Variants in NOS1AP observed in about 807,000 individuals in gnomAD.
NOS1AP encodes carboxyl-terminal PDZ ligand of neuronal nitric oxide synthase protein.
A neutral mutation model predicts 56.2 loss-of-function variants in NOS1AP; 21 were observed. That is an observed-to-expected ratio of 0.37 (90% CI 0.26 to 0.54). NOS1AP has a LOEUF of 0.54. NOS1AP is among the 20% of genes least tolerant of loss of function. The pLI is 0.84. For missense variants in NOS1AP, 522 were observed against 657.8 expected, an observed-to-expected ratio of 0.79 and a Z score of 2.26; for synonymous variants, 270 against 274.6, an observed-to-expected ratio of 0.98 and a Z score of 0.17.
chr1:162,173,544 G>T (rs1650909685), intron 2 of NOS1AP, among the ~76,000 whole-genome samples: 1 of 152,170 alleles, frequency 6.6e-6, no homozygotes, highest in South Asian at 2.1e-4. Flanking sequence ...AAAAGCAATG[G>T]CAACAAAAGC....
chr1:162,231,065 A>AT (rs1467624611), intron 2 of NOS1AP, among the ~76,000 whole-genome samples: 1 of 151,440 alleles, frequency 6.6e-6, no homozygotes, highest in Non-Finnish European at 1.5e-5. Context: ...AGAAACCACT[A>AT]TTTTCCATAG....
chr1:162,184,827 G>A (rs912412969), intron 2 of NOS1AP, among the ~76,000 whole-genome samples: 1 of 152,192 alleles, frequency 6.6e-6, no homozygotes, highest in Admixed American at 6.5e-5. Flanking sequence ...AGTGAGAACC[G>A]TGATTTCAGC....
Position 162,081,774 on chromosome 1 carries a change from A to ATATATATATTTTTTTTTTTTTTTTTTTT in NOS1AP, c.105+11493_105+11494insATATATATTTTTTTTTTTTTTTTTTTTT. On this transcript the variant is annotated intron_variant, in intron 1 of 9. Coordinates refer to ENST00000361897, the MANE Select transcript of NOS1AP (RefSeq NM_014697.3). ...TCTATAGATATATATATATATATAT[A>ATATATATATTTTTTTTTTTTTTTTTTTT]TTTTTTTTTTGTAGAGATGGGTTTT... is the stretch of plus-strand genomic sequence containing the variant. Among the ~76,000 whole-genome samples, 13 of 44,054 alleles carry ATATATATATTTTTTTTTTTTTTTTTTTT rather than the reference A, an allele frequency of 3.0e-4. 1 individual carries two copies. Among genetic ancestry groups the ATATATATATTTTTTTTTTTTTTTTTTTT allele is most frequent in the African/African-American group, 7.6e-4 (10 of 13,080 alleles). The allele number at this position is 44,054 out of a possible 152,430, so 28.9% of individuals were successfully genotyped here.
chr1:162,352,250 G>A (rs1004308003), intron 6 of NOS1AP, among the ~76,000 whole-genome samples: 4 of 151,958 alleles, frequency 2.6e-5, no homozygotes, highest in Admixed American at 6.6e-5. Context: ...GTAGAGATGG[G>A]GTTTCACCAT....
rs1286439006 is a variant in NOS1AP at position 162,370,049 on chromosome 1, G to A, written c.*2582G>A. 1 of 152,196 alleles carries A rather than the reference G, an allele frequency of 6.6e-6. No homozygotes were observed. Among genetic ancestry groups the A allele is most frequent in the African/African-American group, 2.4e-5 (1 of 41,428 alleles). The allele number at this position is 152,196 out of a possible 1,614,324, so 9.4% of individuals were successfully genotyped here. Reference sequence around the variant, plus strand: ...CTATATGGAGGACAAATGGACACCAGGGGTGCTAACCTTATTGGTGCCTGC... The same window carrying A: ...CTATATGGAGGACAAATGGACACCAAGGGTGCTAACCTTATTGGTGCCTGC... On this transcript the variant is annotated 3_prime_UTR_variant, in exon 10 of 10. Transcript: ENST00000361897.
At chr1:162,120,947 G>A (rs902833792) in intron 1 of NOS1AP, among the ~76,000 whole-genome samples, 1 of 152,030 alleles carries the variant, frequency 6.6e-6, no homozygotes, top group African/African-American at 2.4e-5. Context: ...AAGACCTCTG[G>A]CACTGTAATT....
chr1:162,166,450 A>C lies in NOS1AP; in HGVS notation c.177+11974A>C, dbSNP rs139165479. On this transcript the variant is annotated intron_variant, in intron 2 of 9. Coordinates refer to ENST00000361897, the MANE Select transcript of NOS1AP (RefSeq NM_014697.3). ...CTCCTCTTCCTTCTACCTGGGAAGC[A>C]CTCCCTTCCCATTGCGGCTGAAGCC... 4.0e-3 allele frequency among the ~76,000 whole-genome samples: 606 copies of C among 152,038 alleles called. 8 individuals carry two copies. The highest frequency in any genetic ancestry group is 0.014 in the African/African-American group (564 of 41,476).
At chr1:162,280,331 T>C (rs906360487) in intron 2 of NOS1AP, among the ~76,000 whole-genome samples, 1 of 152,246 alleles carries the variant, frequency 6.6e-6, no homozygotes, top group South Asian at 2.1e-4. Flanking sequence ...GAATCTATCT[T>C]GTTACAAGAA....
intron 6 of NOS1AP, among the ~76,000 whole-genome samples, chr1:162,348,873 T>C (rs1657391392): frequency 6.6e-6 from 1 of 152,176 alleles, no homozygotes; most frequent in Admixed American, 6.5e-5. Flanking sequence ...TCCAGGTAGG[T>C]CGGCCTTTGC....
At chr1:162,210,372 A>G (rs1249521113) in intron 2 of NOS1AP, among the ~76,000 whole-genome samples, 1 of 152,146 alleles carries the variant, frequency 6.6e-6, no homozygotes, top group Non-Finnish European at 1.5e-5. Flanking sequence ...ACTCGACAGC[A>G]AGCAAAAGCC....
At chr1:162,279,121 G>A (rs1379506422) in intron 2 of NOS1AP, among the ~76,000 whole-genome samples, 1 of 152,180 alleles carries the variant, frequency 6.6e-6, no homozygotes, top group Non-Finnish European at 1.5e-5. Flanking sequence ...TGCTGTGAGA[G>A]ATATAGAGAA....
At chr1:162,267,359 C>A (rs534250461) in intron 2 of NOS1AP, among the ~76,000 whole-genome samples, 1 of 152,236 alleles carries the variant, frequency 6.6e-6, no homozygotes, top group African/African-American at 2.4e-5. Flanking sequence ...CCTGGTGGAT[C>A]CGTGATGTGC....
intron 2 of NOS1AP, among the ~76,000 whole-genome samples, chr1:162,183,654 A>T (rs538198593): frequency 6.6e-6 from 1 of 152,208 alleles, no homozygotes; most frequent in Non-Finnish European, 1.5e-5. Context: ...TTCCATTTTT[A>T]TGTTACAGAG....
intron 1 of NOS1AP, among the ~76,000 whole-genome samples, chr1:162,107,293 T>C (rs951939722): frequency 2.0e-5 from 3 of 152,198 alleles, no homozygotes; most frequent in African/African-American, 7.2e-5. Context: ...TTTCTGAATA[T>C]ACTTTGTTTT....
chr1:162,296,192 C>A (rs1350707051), intron 3 of NOS1AP, among the ~76,000 whole-genome samples: 1 of 152,138 alleles, frequency 6.6e-6, no homozygotes, highest in African/African-American at 2.4e-5. Context: ...GAGACTGAGG[C>A]AGGAGAATCG....
In NOS1AP at chr1:162,365,582, C is replaced by G. The variant is rs773463674; in HGVS notation, c.1105+13C>G. The G allele has an allele frequency of 3.1e-5, 50 of 1,607,088 alleles. No individual in the cohort carries two copies. Among genetic ancestry groups the G allele is most frequent in the Non-Finnish European group, 4.2e-5 (50 of 1,179,984 alleles). On this transcript the variant is annotated intron_variant, in intron 9 of 9. Coordinates refer to ENST00000361897, the MANE Select transcript of NOS1AP (RefSeq NM_014697.3). Reference sequence around the variant, plus strand: ...GGACAGAACGCCAGTAAGCCAGTGCCCTGCCCAGCCCTGCTTCCTCTGTGA... The same window carrying G: ...GGACAGAACGCCAGTAAGCCAGTGCGCTGCCCAGCCCTGCTTCCTCTGTGA...
chr1:162,166,444 G>C (rs1260565220), intron 2 of NOS1AP, among the ~76,000 whole-genome samples: 1 of 152,116 alleles, frequency 6.6e-6, no homozygotes, highest in Non-Finnish European at 1.5e-5. Context: ...CTTCTACCTG[G>C]GAAGCACTCC....
intron 1 of NOS1AP, among the ~76,000 whole-genome samples, chr1:162,083,327 G>A (rs541524105): frequency 5.3e-5 from 8 of 152,214 alleles, no homozygotes; most frequent in Admixed American, 2.6e-4. Context: ...TGTGGGCCAA[G>A]TGACAGATAA....
chr1:162,231,494 ATT>A (rs1653122862), intron 2 of NOS1AP, among the ~76,000 whole-genome samples: 1 of 152,158 alleles, frequency 6.6e-6, no homozygotes. Context: ...AGTCCAATGT[ATT>A]TATTTATGTT....
Sources: gnomAD v4.1 joint callset for allele counts (sites outside exome capture counted in the v4.1 genomes callset) on GRCh38, gnomAD v4.1.1 for gene constraint, MANE v1.5 for transcripts, NCBI Gene and HGNC (gene_info 2026-07-23, HGNC 2026-07-21) for gene names.